Variants in EEIG2 observed in about 807,000 individuals in gnomAD.
EEIG2 encodes the protein EEIG family member 2.
chr1:108,583,747 T>C, the EEIG2 span, among the ~76,000 whole-genome samples: 2 of 151,980 alleles, frequency 1.3e-5, no homozygotes, highest in African/African-American at 2.4e-5. Context: ...ATAGTTAGGA[T>C]CGCAAACCTA....
the EEIG2 span, chr1:108,625,033 AC>A: frequency 3.8e-6 from 1 of 259,980 alleles, no homozygotes; most frequent in Non-Finnish European, 7.3e-6. Flanking sequence ...CCGTTCCATT[AC>A]CCTGCAACTT....
At chr1:108,628,331 GA>G in the EEIG2 span, 5 of 1,610,882 alleles carry the variant, frequency 3.1e-6, no homozygotes, top group Non-Finnish European at 4.2e-6. Flanking sequence ...TGGTGTGGGG[GA>G]ACGATGTCAG....
chr1:108,610,074 A>T, the EEIG2 span, among the ~76,000 whole-genome samples: 1 of 152,196 alleles, frequency 6.6e-6, no homozygotes, highest in Non-Finnish European at 1.5e-5. Context: ...AAATTTAAAA[A>T]ACTCTTACAG....
the EEIG2 span, among the ~76,000 whole-genome samples, chr1:108,609,005 G>T: frequency 6.6e-6 from 1 of 152,212 alleles, no homozygotes; most frequent in Non-Finnish European, 1.5e-5. Flanking sequence ...CCACTCTCAT[G>T]ACCTAATTAC....
At chr1:108,635,029 C>G in the EEIG2 span, 21 of 1,448,358 alleles carry the variant, frequency 1.4e-5, no homozygotes, top group Non-Finnish European at 2.0e-5. Context: ...TGCCCCATCT[C>G]TCCAGGGGTA....
At chr1:108,617,680 A>G in the EEIG2 span, among the ~76,000 whole-genome samples, 1 of 152,220 alleles carries the variant, frequency 6.6e-6, no homozygotes, top group Non-Finnish European at 1.5e-5. Flanking sequence ...CCAGAGACTG[A>G]GGTGGGGACA....
the EEIG2 span, among the ~76,000 whole-genome samples, chr1:108,581,058 T>A: frequency 1.3e-5 from 2 of 152,130 alleles, no homozygotes; most frequent in African/African-American, 4.8e-5. Context: ...AAGCCAGTGG[T>A]CACTTATCAA....
At chr1:108,622,138 T>C in the EEIG2 span, among the ~76,000 whole-genome samples, 1 of 151,970 alleles carries the variant, frequency 6.6e-6, no homozygotes, top group Non-Finnish European at 1.5e-5. Flanking sequence ...GCCTGGGAAA[T>C]GAGCGAAACT....
the EEIG2 span, among the ~76,000 whole-genome samples, chr1:108,618,815 T>A: frequency 2.0e-5 from 3 of 146,788 alleles, no homozygotes; most frequent in African/African-American, 7.5e-5. Context: ...CCAGCCTGGG[T>A]GACAGAGCAA....
At chr1:108,626,874 C>T in the EEIG2 span, 1 of 152,168 alleles carries the variant, frequency 6.6e-6, no homozygotes, top group Admixed American at 6.5e-5. Context: ...CTATACGTCG[C>T]TCAAGTCCTG....
the EEIG2 span, chr1:108,638,541 A>G: frequency 6.6e-6 from 1 of 152,198 alleles, no homozygotes; most frequent in African/African-American, 2.4e-5. Flanking sequence ...TGAGAGACAA[A>G]CTGGGCTCAT....
At chr1:108,586,168 C>T in the EEIG2 span, among the ~76,000 whole-genome samples, 1 of 151,924 alleles carries the variant, frequency 6.6e-6, no homozygotes, top group African/African-American at 2.4e-5. Flanking sequence ...ATTTGCAAGG[C>T]AGCTACTCCA....
chr1:108,565,070 A>G, the EEIG2 span, among the ~76,000 whole-genome samples: 1 of 152,256 alleles, frequency 6.6e-6, no homozygotes, highest in East Asian at 1.9e-4. Context: ...ATTATTTGTA[A>G]TAAATATTAT....
At chr1:108,621,172 A>G in the EEIG2 span, among the ~76,000 whole-genome samples, 2 of 152,218 alleles carry the variant, frequency 1.3e-5, no homozygotes, top group Non-Finnish European at 2.9e-5. Context: ...CAATCAAATT[A>G]AAGTAATCCC....
chr1:108,568,227 A>G, the EEIG2 span, among the ~76,000 whole-genome samples: 17 of 152,302 alleles, frequency 1.1e-4, no homozygotes, highest in African/African-American at 3.8e-4. Context: ...GAAAGCAAAT[A>G]TTGGGAGAAA....
At chr1:108,620,093 A>C in the EEIG2 span, among the ~76,000 whole-genome samples, 1 of 152,240 alleles carries the variant, frequency 6.6e-6, no homozygotes, top group Non-Finnish European at 1.5e-5. Context: ...ACGGAGTAAC[A>C]GAGCAATTGT....
the EEIG2 span, among the ~76,000 whole-genome samples, chr1:108,586,516 T>C: frequency 7.9e-5 from 12 of 152,100 alleles, no homozygotes; most frequent in African/African-American, 1.2e-4. Flanking sequence ...AAATTAAACT[T>C]GAGCTCAGAT....
chr1:108,625,010 T>C, the EEIG2 span: 1 of 312,802 alleles, frequency 3.2e-6, no homozygotes, highest in Non-Finnish European at 5.9e-6. Context: ...CTACAGGATT[T>C]TTTCCATTTT....
the EEIG2 span, among the ~76,000 whole-genome samples, chr1:108,579,886 T>G: frequency 2.6e-5 from 4 of 152,066 alleles, no homozygotes; most frequent in African/African-American, 4.8e-5. Context: ...CAAGCAGTTA[T>G]CCTGAGTAGC....
Sources: allele counts gnomAD v4.1 joint callset (sites outside exome capture counted in the v4.1 genomes callset), GRCh38; gene constraint gnomAD v4.1.1; transcripts MANE v1.5; gene names NCBI Gene and HGNC (gene_info 2026-07-23, HGNC 2026-07-21).